DNAJC1: variants seen among roughly 807,000 people sequenced by gnomAD.
The protein encoded by DNAJC1 is DnaJ heat shock protein family (Hsp40) member C1, also known as dnaJ homolog subfamily C member 1.
DNAJC1 carries 58 observed loss-of-function variants against 76.6 expected under a neutral mutation model. That is an observed-to-expected ratio of 0.76 (90% CI 0.61 to 0.94). DNAJC1 has a LOEUF of 0.94. DNAJC1 is among the 40% of genes least tolerant of loss of function. The pLI, the probability that DNAJC1 is intolerant of heterozygous loss-of-function variation, is 0.00. For synonymous variants in DNAJC1, 258 were observed against 267.9 expected (o/e 0.96, Z 0.36); for missense variants, 689 against 677.3 (o/e 1.02, Z -0.19).
chr10:21,908,573 G>C lies in DNAJC1; in HGVS notation c.730-3961C>G, dbSNP rs1040768245. Among the ~76,000 whole-genome samples, 3 of 149,950 alleles carry C rather than the reference G, an allele frequency of 2.0e-5. No individual in the cohort carries two copies. The Admixed American group carries it at 2.0e-4, about 10-fold the overall frequency. ...AAGCACAAAAACTTATTTGGGTCCAGAGTAAACTCCAGTTTACCTACACAG... is the reference window on the plus strand; with the variant it reads ...AAGCACAAAAACTTATTTGGGTCCACAGTAAACTCCAGTTTACCTACACAG... On this transcript the variant is annotated intron_variant, in intron 6 of 11. Coordinates refer to ENST00000376980, the MANE Select transcript of DNAJC1 (RefSeq NM_022365.4).
intron 1 of DNAJC1, chr10:21,933,003 A>G (rs144807998): frequency 6.6e-6 from 1 of 152,368 alleles, no homozygotes; most frequent in Non-Finnish European, 1.5e-5. Context: ...AAAAGCTTGA[A>G]AGGACACAAA....
At chr10:21,827,987 T>C (rs767369729) in intron 8 of DNAJC1, among the ~76,000 whole-genome samples, 6 of 152,222 alleles carry the variant, frequency 3.9e-5, no homozygotes, top group African/African-American at 9.6e-5. Context: ...TATGGGCATC[T>C]TCAACTTTAC....
chr10:21,941,095 C>CAAAAAAAAAA (rs1208799870), intron 1 of DNAJC1, among the ~76,000 whole-genome samples: 15 of 39,132 alleles, frequency 3.8e-4, no homozygotes, highest in East Asian at 1.9e-3. Context: ...ACTAAAAATA[C>CAAAAAAAAAA]AAAAAAAAAA....
At chr10:21,921,464 C>T (rs1462076233) in intron 3 of DNAJC1, among the ~76,000 whole-genome samples, 1 of 151,924 alleles carries the variant, frequency 6.6e-6, no homozygotes. Context: ...AGTATTTATA[C>T]ACATGATTTT....
chr10:21,842,239 A>G (rs1453135324), intron 8 of DNAJC1, among the ~76,000 whole-genome samples: 1 of 152,038 alleles, frequency 6.6e-6, no homozygotes, highest in African/African-American at 2.4e-5. Flanking sequence ...CTAAAACTTA[A>G]AGTATAATAA....
chr10:21,961,613 G>T (rs1837793270), intron 1 of DNAJC1, among the ~76,000 whole-genome samples: 1 of 152,122 alleles, frequency 6.6e-6, no homozygotes, highest in Non-Finnish European at 1.5e-5. Flanking sequence ...AAAGGGTACA[G>T]TTTCTGTTTG....
In DNAJC1 at chr10:21,882,400, A is replaced by C; in HGVS notation, c.860T>G (p.Val287Gly). 6.5e-7 allele frequency: 1 copy of C among 1,535,908 alleles called. No homozygotes were observed. Among genetic ancestry groups the C allele is most frequent in the African/African-American group, 1.4e-5 (1 of 70,316 alleles). The change falls in exon 8 of 12, where the codon GTA becomes GGA. Residue 287 changes from valine (V) to glycine (G), a missense_variant. Coordinates refer to ENST00000376980, the MANE Select transcript of DNAJC1 (RefSeq NM_022365.4). Reference protein sequence around the residue: ...KVKKPKPEFPVYTPLETTYIQ... With the variant: ...KVKKPKPEFPGYTPLETTYIQ... Reference sequence around the variant, plus strand: ...ATATGTAGTTTCTAAAGGTGTGTATACAGGAAATTCAGGTTTTGGTTTTTT... The same window carrying C: ...ATATGTAGTTTCTAAAGGTGTGTATCCAGGAAATTCAGGTTTTGGTTTTTT...
intron 8 of DNAJC1, among the ~76,000 whole-genome samples, chr10:21,843,393 T>C (rs1023355522): frequency 1.7e-5 from 2 of 118,590 alleles, no homozygotes; most frequent in Admixed American, 8.0e-5. Context: ...GAGGTTTCCC[T>C]TTTTTTTTTT....
chr10:21,765,833 G>T (rs1834293918), intron 10 of DNAJC1, among the ~76,000 whole-genome samples: 1 of 127,598 alleles, frequency 7.8e-6, no homozygotes, highest in Non-Finnish European at 1.8e-5. Flanking sequence ...AACAGAGCAA[G>T]ACTCCGTCTC....
chr10:21,803,591 G>T (rs752393637), intron 9 of DNAJC1, among the ~76,000 whole-genome samples: 4 of 109,052 alleles, frequency 3.7e-5, no homozygotes, highest in Non-Finnish European at 6.8e-5. Context: ...GTGATTTTCT[G>T]TGTGTGTGTG....
chr10:21,759,271 G>C lies in DNAJC1; in HGVS notation c.1495C>G (p.Gln499Glu). The C allele has an allele frequency of 6.2e-7, 1 of 1,614,220 alleles. No individual in the cohort carries two copies. The change falls in exon 11 of 12, where the codon CAA becomes GAA. Residue 499 changes from glutamine to glutamate, a missense_variant. Gln to Glu is a conservative substitution (Grantham distance 29). Coordinates refer to ENST00000376980, the MANE Select transcript of DNAJC1 (RefSeq NM_022365.4). Reference sequence around the variant, plus strand: ...AGTTCCAGAAGTTTCTGTTGATTTTGAGTCCACGGCTCCTCTGCAGACCGA... The same window carrying C: ...AGTTCCAGAAGTTTCTGTTGATTTTCAGTCCACGGCTCCTCTGCAGACCGA... ...RARSAEEPWT[Q>E]NQQKLLELAL... is the part of the protein sequence containing the mutation.
chr10:21,999,077 G>T (rs937731013), intron 1 of DNAJC1, among the ~76,000 whole-genome samples: 1 of 152,160 alleles, frequency 6.6e-6, no homozygotes, highest in Non-Finnish European at 1.5e-5. Flanking sequence ...TAAAGAAGAT[G>T]CCACAGACAG....
chr10:21,879,154 T>A (rs1448767569), intron 8 of DNAJC1, among the ~76,000 whole-genome samples: 1 of 152,180 alleles, frequency 6.6e-6, no homozygotes, highest in Non-Finnish European at 1.5e-5. Flanking sequence ...ATGGCAATGT[T>A]CTAGTCATTG....
rs544491349 is a variant in DNAJC1 at position 21,950,980 on chromosome 10, C to T, written c.223-21839G>A. Among the ~76,000 whole-genome samples the T allele has an allele frequency of 2.0e-5, 3 of 152,198 alleles. No individual in the cohort carries two copies. The East Asian group carries it at 5.8e-4, about 29-fold the overall frequency. ...AAGTGCTAGAAACAGCAGAAAGTTC[C>T]GATGGAGAAGCTGCAGAAATGCTTT... On this transcript the variant is annotated intron_variant, in intron 1 of 11. Coordinates refer to ENST00000376980, the MANE Select transcript of DNAJC1 (RefSeq NM_022365.4).
At chr10:21,837,080 T>C (rs1191890645) in intron 8 of DNAJC1, among the ~76,000 whole-genome samples, 4 of 152,172 alleles carry the variant, frequency 2.6e-5, no homozygotes, top group Non-Finnish European at 5.9e-5. Flanking sequence ...CTGACTGGTA[T>C]TCGTATTTTT....
intron 7 of DNAJC1, among the ~76,000 whole-genome samples, chr10:21,897,078 A>G (rs1836556341): frequency 6.6e-6 from 1 of 152,114 alleles, no homozygotes; most frequent in African/African-American, 2.4e-5. Context: ...AGAGAATTAA[A>G]TTTCTGTTCA....
chr10:21,901,990 T>G (rs1008804273), intron 7 of DNAJC1, among the ~76,000 whole-genome samples: 1 of 152,190 alleles, frequency 6.6e-6, no homozygotes, highest in Non-Finnish European at 1.5e-5. Context: ...CATGTAACCA[T>G]TAGAGACTAT....
At chr10:21,851,492 A>G (rs1835751545) in intron 8 of DNAJC1, among the ~76,000 whole-genome samples, 1 of 152,196 alleles carries the variant, frequency 6.6e-6, no homozygotes, top group South Asian at 2.1e-4. Context: ...ATAACAAGTG[A>G]AGGTGAGAAT....
chr10:21,775,949 C>T (rs986538953), intron 9 of DNAJC1, among the ~76,000 whole-genome samples: 2 of 151,988 alleles, frequency 1.3e-5, no homozygotes, highest in African/African-American at 4.8e-5. Flanking sequence ...ATATGTTTCA[C>T]CACATTGTGA....
Sources: allele counts gnomAD v4.1 joint callset (sites outside exome capture counted in the v4.1 genomes callset), GRCh38; gene constraint gnomAD v4.1.1; transcripts MANE v1.5; gene names NCBI Gene and HGNC (gene_info 2026-07-23, HGNC 2026-07-21).